Variants in DPH6 observed in about 807,000 individuals in gnomAD.
The protein encoded by DPH6 is diphthine--ammonia ligase.
DPH6 carries 33 observed loss-of-function variants against 38.2 expected under a neutral mutation model. That is an observed-to-expected ratio of 0.86 (90% CI 0.65 to 1.15). The LOEUF (loss-of-function observed/expected upper bound fraction) is 1.15, where lower values mean the gene tolerates loss of function less well. Among genes scored for constraint, DPH6 ranks in the 50% most tolerant of loss-of-function variants. The pLI, the probability that DPH6 is intolerant of heterozygous loss-of-function variation, is 0.00. For synonymous variants in DPH6, 108 were observed against 103.0 expected, an observed-to-expected ratio of 1.05 and a Z score of -0.30; for missense variants, 325 against 320.0, an observed-to-expected ratio of 1.02 and a Z score of -0.12.
the DPH6 span, among the ~76,000 whole-genome samples, chr15:35,174,971 T>A: frequency 6.6e-6 from 1 of 152,214 alleles, no homozygotes; most frequent in African/African-American, 2.4e-5. Flanking sequence ...ACATCTGTAT[T>A]TATGTTTTCA....
chr15:35,392,299 G>A lies in DPH6; in HGVS notation c.568-10383C>T, dbSNP rs550445716. Among the ~76,000 whole-genome samples the A allele has an allele frequency of 7.9e-5, 12 of 151,852 alleles. No homozygotes were observed. The East Asian group carries it at 9.7e-4, about 12-fold the overall frequency. ...ATTATTGAACTGAATGGCTAAGGGC[G>A]TCATGATTTCCCTAAGATTGTAATA... On this transcript the variant is annotated intron_variant, in intron 6 of 8. Transcript: ENST00000256538.
At chr15:35,239,649 C>T (rs141255149) in intron 3 of DPH6, among the ~76,000 whole-genome samples, 7,342 of 138,124 alleles carry the variant, frequency 0.053, 1,043 homozygotes, top group African/African-American at 0.11. Context: ...CGGCAAGTCC[C>T]GCTTTCCTGG....
At chr15:35,451,720 C>T (rs1397014270) in intron 4 of DPH6, among the ~76,000 whole-genome samples, 1 of 152,110 alleles carries the variant, frequency 6.6e-6, no homozygotes, top group East Asian at 1.9e-4. Flanking sequence ...CCTTTTAAGA[C>T]ATAAAATAGG....
the DPH6 span, among the ~76,000 whole-genome samples, chr15:35,152,805 C>T: frequency 6.6e-6 from 1 of 152,132 alleles, no homozygotes. Flanking sequence ...AGCCAGATTA[C>T]ATTGCATTTT....
intron 3 of DPH6, chr15:35,521,417 TA>T: frequency 1.8e-6 from 2 of 1,119,960 alleles, no homozygotes; most frequent in Non-Finnish European, 2.2e-6. Context: ...CTCTAGGAAG[TA>T]AATGAACAAA....
the DPH6 span, among the ~76,000 whole-genome samples, chr15:35,204,131 C>G: frequency 6.6e-6 from 1 of 151,680 alleles, no homozygotes; most frequent in Non-Finnish European, 1.5e-5. Context: ...CTTAAGTGCA[C>G]CATAGTTGAC....
At chr15:35,408,981 T>C (rs748125746) in intron 6 of DPH6, among the ~76,000 whole-genome samples, 2 of 151,854 alleles carry the variant, frequency 1.3e-5, no homozygotes, top group Non-Finnish European at 2.9e-5. Context: ...ATCTGTATTA[T>C]GTTTTGATAT....
Position 35,238,175 on chromosome 15 carries a change from C to T in DPH6, n.201-17593G>A, listed in dbSNP as rs116658073. ...AACTTATTTTTTTTTCTGATTGTAA[C>T]GTTGCTGTGGGAACGAGAGGGGAAA... is the stretch of plus-strand genomic sequence containing the variant. On this transcript the variant is annotated intron_variant and non_coding_transcript_variant, in intron 3 of 3. Coordinates refer to the DPH6 transcript ENST00000560386. 6,080 of 500,374 alleles carry T rather than the reference C, an allele frequency of 0.012. 316 individuals carry two copies. In the African/African-American group the frequency reaches 0.13, roughly 10 times the overall value. The allele number at this position is 500,374 out of a possible 1,614,324, so 31.0% of individuals were successfully genotyped here.
downstream of DPH6, among the ~76,000 whole-genome samples, chr15:35,215,560 A>T (rs985480038): frequency 1.5e-4 from 22 of 151,484 alleles, no homozygotes; most frequent in South Asian, 4.2e-4. Context: ...ATTAAAAAAA[A>T]TTTTTTTTTG....
At chr15:35,447,664 C>T (rs1381914555) in intron 5 of DPH6, among the ~76,000 whole-genome samples, 1 of 152,124 alleles carries the variant, frequency 6.6e-6, no homozygotes, top group Non-Finnish European at 1.5e-5. Flanking sequence ...GTGAAGTTAT[C>T]CATACCCCTA....
chr15:35,542,548 G>A (rs777578537), intron 1 of DPH6, 41 bp from the exon 2 acceptor site: 1 of 1,486,450 alleles, frequency 6.7e-7, no homozygotes, highest in South Asian at 1.3e-5. Context: ...TCATGCTACT[G>A]ACCATTATTC....
At chr15:35,327,344 T>G (rs942296324), downstream of DPH6, among the ~76,000 whole-genome samples, 2 of 149,768 alleles carry the variant, frequency 1.3e-5, no homozygotes, top group Non-Finnish European at 3.0e-5. Flanking sequence ...TCCTTTTTTT[T>G]TTTTTTTTTT....
intron 3 of DPH6, among the ~76,000 whole-genome samples, chr15:35,255,170 A>C (rs1308426573): frequency 6.6e-6 from 1 of 152,178 alleles, no homozygotes; most frequent in Non-Finnish European, 1.5e-5. Flanking sequence ...CTATGAAACA[A>C]GGCAGTATCA....
chr15:35,246,738 T>C (rs1256401700), intron 3 of DPH6, among the ~76,000 whole-genome samples: 1 of 152,162 alleles, frequency 6.6e-6, no homozygotes, highest in East Asian at 1.9e-4. Flanking sequence ...AGTGGCACCA[T>C]ACCTGTGACT....
the DPH6 span, among the ~76,000 whole-genome samples, chr15:35,145,360 A>C: frequency 6.6e-6 from 1 of 152,198 alleles, no homozygotes; most frequent in Non-Finnish European, 1.5e-5. Flanking sequence ...GTGTCCTTTA[A>C]CTGAAATTCC....
intron 3 of DPH6, chr15:35,490,108 T>A (rs2054457041): frequency 4.1e-6 from 4 of 985,422 alleles, no homozygotes; most frequent in Non-Finnish European, 4.8e-6. Context: ...GCTCACCAGC[T>A]CTTTTTCAAC....
chr15:35,356,284 G>A (rs562562597), intron 3 of DPH6, among the ~76,000 whole-genome samples: 19 of 152,236 alleles, frequency 1.2e-4, no homozygotes, highest in African/African-American at 3.9e-4. Context: ...CTCTCAACTC[G>A]TCAAAGTCAT....
chr15:35,170,957 T>C, the DPH6 span, among the ~76,000 whole-genome samples: 1 of 152,250 alleles, frequency 6.6e-6, no homozygotes, highest in Admixed American at 6.5e-5. Flanking sequence ...ATTATAATGT[T>C]GTATTTTTAA....
At chr15:35,341,233 T>C (rs939279810) in intron 3 of DPH6, among the ~76,000 whole-genome samples, 1 of 152,196 alleles carries the variant, frequency 6.6e-6, no homozygotes, top group African/African-American at 2.4e-5. Context: ...AAGTTGGTTA[T>C]GTTCCTCTCC....
Sources: allele counts gnomAD v4.1 joint callset (sites outside exome capture counted in the v4.1 genomes callset), GRCh38; gene constraint gnomAD v4.1.1; transcripts MANE v1.5; gene names NCBI Gene and HGNC (gene_info 2026-07-23, HGNC 2026-07-21).